The following TPRG1 variants were observed in gnomAD, a reference collection of about 807,000 sequenced individuals.
The protein encoded by TPRG1 is tumor protein p63 regulated 1.
TPRG1 carries 29 observed loss-of-function variants against 29.3 expected under a neutral mutation model. That is an observed-to-expected ratio of 0.99 (90% CI 0.74 to 1.35). TPRG1 has a LOEUF of 1.35. TPRG1 is among the 40% of genes most tolerant of loss of function. The probability of loss-of-function intolerance (pLI) is 0.00; values close to 1 mark genes in which losing one functional copy is unlikely to be tolerated. For missense variants in TPRG1, 327 were observed against 335.0 expected (o/e 0.98, Z 0.19); for synonymous variants, 130 against 116.8 (o/e 1.11, Z -0.73).
chr3:189,154,039 T>C (rs1049368846), intron 5 of TPRG1, among the ~76,000 whole-genome samples: 6 of 152,166 alleles, frequency 3.9e-5, no homozygotes, highest in Admixed American at 3.9e-4. Flanking sequence ...AAACACCCAA[T>C]TGGCCAAATG....
upstream of TPRG1, among the ~76,000 whole-genome samples, chr3:189,099,246 C>T (rs760023597): frequency 6.6e-6 from 1 of 152,204 alleles, no homozygotes; most frequent in African/African-American, 2.4e-5. Context: ...TTTTGGGTCA[C>T]GGTGACCTCT....
chr3:189,239,072 A>G (rs1480135173), intron 4 of TPRG1, 163 bp downstream of exon 4: 3 of 548,426 alleles, frequency 5.5e-6, no homozygotes, highest in Non-Finnish European at 9.3e-6. Context: ...ACTCTATGTC[A>G]GCCTCCAGGG....
intron 3 of TPRG1, among the ~76,000 whole-genome samples, chr3:189,139,139 T>C (rs1724180077): frequency 6.6e-6 from 1 of 152,180 alleles, no homozygotes; most frequent in Non-Finnish European, 1.5e-5. Context: ...CAGCTGATCC[T>C]CACAAAGGAG....
At chr3:189,261,339 G>A (rs1008679974) in intron 4 of TPRG1, among the ~76,000 whole-genome samples, 3 of 151,742 alleles carry the variant, frequency 2.0e-5, no homozygotes, top group African/African-American at 7.3e-5. Context: ...AGTCAGTGGA[G>A]GATTAAAGGT....
chr3:189,061,083 G>C (rs1716075206), intron 4 of TPRG1, among the ~76,000 whole-genome samples: 2 of 152,126 alleles, frequency 1.3e-5, no homozygotes, highest in Non-Finnish European at 2.9e-5. Context: ...GCATGATACT[G>C]GTATGAAAAT....
intron 4 of TPRG1, among the ~76,000 whole-genome samples, chr3:189,039,405 A>G (rs1201093862): frequency 6.6e-6 from 1 of 152,172 alleles, no homozygotes; most frequent in African/African-American, 2.4e-5. Context: ...GAAGTTAAAT[A>G]CATGAATGAT....
chr3:189,204,063 C>T (rs1265906689), intron 1 of TPRG1, among the ~76,000 whole-genome samples: 2 of 115,162 alleles, frequency 1.7e-5, no homozygotes, highest in African/African-American at 6.4e-5. Context: ...AAAAAAAAAA[C>T]TGAACATCAT....
intron 4 of TPRG1, among the ~76,000 whole-genome samples, chr3:189,083,090 G>A (rs552296766): frequency 6.6e-6 from 1 of 152,248 alleles, no homozygotes; most frequent in South Asian, 2.1e-4. Context: ...CTGTGGGTGG[G>A]GGCTGGGTGT....
chr3:189,153,489 G>T (rs772328029), intron 5 of TPRG1, among the ~76,000 whole-genome samples: 21 of 151,904 alleles, frequency 1.4e-4, no homozygotes, highest in Non-Finnish European at 2.1e-4. Flanking sequence ...CTGAGGCAAG[G>T]TATCTTGGAT....
intron 5 of TPRG1, among the ~76,000 whole-genome samples, chr3:189,166,426 G>A (rs115706742): frequency 9.7e-4 from 148 of 152,318 alleles, no homozygotes; most frequent in African/African-American, 3.5e-3. Flanking sequence ...TGACAACCTA[G>A]AAGAGACCTC....
At chr3:189,121,076 C>G (rs996312038) in intron 1 of TPRG1, among the ~76,000 whole-genome samples, 3 of 152,104 alleles carry the variant, frequency 2.0e-5, no homozygotes, top group Non-Finnish European at 4.4e-5. Flanking sequence ...ATACAGATCT[C>G]TAAATTTTTA....
intron 1 of TPRG1, among the ~76,000 whole-genome samples, chr3:189,176,353 G>A (rs1006849661): frequency 7.2e-5 from 11 of 152,122 alleles, no homozygotes; most frequent in Non-Finnish European, 1.0e-4. Context: ...GTCTATTCAA[G>A]TGTCATTCAT....
intron 1 of TPRG1, among the ~76,000 whole-genome samples, chr3:189,184,084 C>A (rs879884499): frequency 4.6e-5 from 7 of 152,160 alleles, no homozygotes; most frequent in Admixed American, 3.9e-4. Context: ...AATCCATGTT[C>A]TTCTGCCATG....
intron 4 of TPRG1, among the ~76,000 whole-genome samples, chr3:189,030,999 G>A (rs996762261): frequency 1.3e-5 from 2 of 152,174 alleles, no homozygotes; most frequent in Non-Finnish European, 2.9e-5. Flanking sequence ...AGGGCCGAGC[G>A]TGGCTCACGC....
At chr3:189,307,865 A>G (rs1479966610) in intron 4 of TPRG1, among the ~76,000 whole-genome samples, 2 of 152,156 alleles carry the variant, frequency 1.3e-5, no homozygotes, top group African/African-American at 4.8e-5. Context: ...GTGCTTTTCC[A>G]TGTTTGTAAA....
chr3:189,265,462 G>A (rs80081749), intron 4 of TPRG1, among the ~76,000 whole-genome samples: 2,677 of 152,206 alleles, frequency 0.018, 72 homozygotes, highest in African/African-American at 0.061. Context: ...CTCAAACTAG[G>A]GGAAGTGTCT....
chr3:189,266,666 C>T (rs1016542650), intron 4 of TPRG1, among the ~76,000 whole-genome samples: 7 of 152,142 alleles, frequency 4.6e-5, no homozygotes, highest in African/African-American at 1.7e-4. Flanking sequence ...TGGGATGACT[C>T]TGCAAGTATA....
intron 1 of TPRG1, among the ~76,000 whole-genome samples, chr3:189,119,831 G>A (rs1038983907): frequency 6.6e-6 from 1 of 152,166 alleles, no homozygotes. Context: ...CCAGTCTCAG[G>A]TATGTCTTTA....
intron 4 of TPRG1, among the ~76,000 whole-genome samples, chr3:189,079,969 C>T (rs1490515164): frequency 6.6e-6 from 1 of 152,080 alleles, no homozygotes; most frequent in African/African-American, 2.4e-5. Flanking sequence ...TTGTGCCCTC[C>T]CTCCAAATTC....
Sources: gnomAD v4.1 joint callset for allele counts (sites outside exome capture counted in the v4.1 genomes callset) on GRCh38, gnomAD v4.1.1 for gene constraint, MANE v1.5 for transcripts, NCBI Gene and HGNC (gene_info 2026-07-23, HGNC 2026-07-21) for gene names.